Variants in AEBP2 observed in about 807,000 individuals in gnomAD.
AEBP2 encodes zinc finger protein AEBP2.
Under a neutral mutation model 50.8 loss-of-function variants are expected in AEBP2, and 10 were observed. The observed-to-expected ratio is 0.20, with a 90% CI of 0.12 to 0.33. The LOEUF is 0.33. Ranked by LOEUF, AEBP2 falls within the 10% of genes least tolerant of loss-of-function variation. The pLI is 1.00. For synonymous variants in AEBP2, 296 were observed against 261.3 expected (o/e 1.13, Z -1.28); for missense variants, 570 against 688.0 (o/e 0.83, Z 1.92).
At chr12:19,494,432 T>C (rs1444901111) in intron 4 of AEBP2, among the ~76,000 whole-genome samples, 1 of 150,956 alleles carries the variant, frequency 6.6e-6, no homozygotes, top group African/African-American at 2.4e-5. Flanking sequence ...TGAGACCCTG[T>C]CTCAAAAAAC....
In AEBP2 at chr12:19,491,598, C is replaced by T. The variant is rs1948895660; in HGVS notation, c.988-2202C>T. ...ACCTCTTTTTTAACTTAGTGTGCAC[C>T]ATAGAGTAAGTAAACATTTTTCATA... On this transcript the variant is annotated intron_variant, in intron 3 of 7. Transcript: ENST00000266508. Among the ~76,000 whole-genome samples the T allele has an allele frequency of 4.6e-5, 7 of 151,980 alleles. No homozygotes were observed. The South Asian group carries it at 1.5e-3, about 32-fold the overall frequency.
intron 1 of AEBP2, among the ~76,000 whole-genome samples, chr12:19,462,203 T>C (rs1039154984): frequency 6.6e-6 from 1 of 152,160 alleles, no homozygotes; most frequent in South Asian, 2.1e-4. Flanking sequence ...TGTGATAAGC[T>C]GTGTGTGTGG....
At chr12:19,451,356 A>G (rs1948163532) in intron 1 of AEBP2, among the ~76,000 whole-genome samples, 1 of 152,140 alleles carries the variant, frequency 6.6e-6, no homozygotes, top group South Asian at 2.1e-4. Flanking sequence ...GGAAGACTCA[A>G]AACAGCTGGG....
intron 3 of AEBP2, among the ~76,000 whole-genome samples, chr12:19,487,613 G>A (rs966558591): frequency 6.6e-6 from 1 of 152,094 alleles, no homozygotes; most frequent in African/African-American, 2.4e-5. Context: ...AGGTACTTGG[G>A]AGGCTGAGGC....
intron 4 of AEBP2, among the ~76,000 whole-genome samples, chr12:19,498,481 T>C (rs575351324): frequency 5.3e-5 from 8 of 152,330 alleles, no homozygotes; most frequent in African/African-American, 1.9e-4. Context: ...GGTGAAAATA[T>C]TCCCCCATAA....
intron 1 of AEBP2, among the ~76,000 whole-genome samples, chr12:19,433,877 C>T (rs1341190935): frequency 2.0e-5 from 3 of 151,904 alleles, no homozygotes; most frequent in African/African-American, 4.8e-5. Flanking sequence ...GATGGAGTCT[C>T]GCTCTGTCAC....
intron 5 of AEBP2, among the ~76,000 whole-genome samples, chr12:19,503,200 A>G (rs1053615859): frequency 6.6e-6 from 1 of 152,118 alleles, no homozygotes; most frequent in Admixed American, 6.6e-5. Context: ...TTTTAATGAT[A>G]CTGATTCTTC....
intron 3 of AEBP2, among the ~76,000 whole-genome samples, chr12:19,475,667 C>T (rs1424031766): frequency 1.3e-5 from 2 of 152,098 alleles, no homozygotes; most frequent in African/African-American, 4.8e-5. Flanking sequence ...TTTAAGAAAT[C>T]TCTGTACGGT....
At chr12:19,420,076 T>G (rs1434161996) in intron 1 of AEBP2, among the ~76,000 whole-genome samples, 2 of 143,710 alleles carry the variant, frequency 1.4e-5, no homozygotes, top group African/African-American at 5.2e-5. Flanking sequence ...CAGGCTGGAG[T>G]GCAATGGCAC....
intron 4 of AEBP2, among the ~76,000 whole-genome samples, chr12:19,496,238 GTA>G (rs1379378424): frequency 2.0e-5 from 3 of 152,210 alleles, no homozygotes; most frequent in Non-Finnish European, 2.9e-5. Context: ...GCCGGCTTAA[GTA>G]TATGTTTCTT....
intron 5 of AEBP2, among the ~76,000 whole-genome samples, chr12:19,505,687 G>A (rs182142329): frequency 6.6e-6 from 1 of 152,340 alleles, no homozygotes; most frequent in East Asian, 1.9e-4. Context: ...CAGAACCTTG[G>A]TGGACTAAGA....
rs569970482 is a variant in AEBP2 at position 19,453,586 on chromosome 12, G to A, written c.672-8924G>A. On this transcript the variant is annotated intron_variant, in intron 1 of 7. Coordinates refer to ENST00000266508, the MANE Select transcript of AEBP2 (RefSeq NM_153207.5). ...TTACAGGCACGCGACACCATGCCCA[G>A]CTAATTTTTGTGTTTTTATTAGAGA... 5.3e-5 allele frequency among the ~76,000 whole-genome samples: 8 copies of A among 151,956 alleles called. No individual in the cohort carries two copies. The South Asian group carries it at 1.5e-3, about 28-fold the overall frequency.
At chr12:19,506,791 A>G (rs1359549918) in intron 5 of AEBP2, among the ~76,000 whole-genome samples, 1 of 152,116 alleles carries the variant, frequency 6.6e-6, no homozygotes, top group African/African-American at 2.4e-5. Flanking sequence ...TGCAGTGGAG[A>G]TAAGGGTTGG....
upstream of AEBP2, among the ~76,000 whole-genome samples, chr12:19,435,548 C>T (rs1420021843): frequency 2.0e-5 from 3 of 152,060 alleles, no homozygotes; most frequent in South Asian, 2.1e-4. Flanking sequence ...CCAACATCAA[C>T]TTTTTATTCA....
At chr12:19,495,547 C>CTT (rs35060511) in intron 4 of AEBP2, among the ~76,000 whole-genome samples, 25 of 141,046 alleles carry the variant, frequency 1.8e-4, no homozygotes, top group East Asian at 1.2e-3. Context: ...TTCATTCTTG[C>CTT]TTTTTTTTTT....
At chr12:19,452,263 G>A (rs184838155) in intron 1 of AEBP2, among the ~76,000 whole-genome samples, 340 of 152,280 alleles carry the variant, frequency 2.2e-3, no homozygotes, top group Non-Finnish European at 3.7e-3. Flanking sequence ...AAAGTGCTGG[G>A]ATTACAGGCA....
In AEBP2 at chr12:19,412,025, T is replaced by C. The variant is rs553500550; in HGVS notation, c.-17+7809T>C. 6.6e-5 allele frequency among the ~76,000 whole-genome samples: 10 copies of C among 152,352 alleles called. No individual in the cohort carries two copies. In the South Asian group the frequency reaches 1.9e-3, roughly 28 times the overall value. ...TCACCAGACTCCTGTCCGTAAGTGC[T>C]GCGCAGGTTCTGTACTACAAGGGCA... is the stretch of plus-strand genomic sequence containing the variant. On this transcript the variant is annotated intron_variant, in intron 1 of 3. Coordinates refer to the AEBP2 transcript ENST00000538425.
At position 19,441,656 on chromosome 12, in the gene AEBP2, T is replaced by C. The variant is rs78046675; in HGVS notation, c.671+1286T>C. Among the ~76,000 whole-genome samples the C allele has an allele frequency of 4.9e-3, 753 of 152,316 alleles. 5 individuals are homozygous for C. Among genetic ancestry groups the C allele is most frequent in the African/African-American group, 0.017 (706 of 41,580 alleles). On this transcript the variant is annotated intron_variant, in intron 1 of 7. Coordinates refer to ENST00000266508, the MANE Select transcript of AEBP2 (RefSeq NM_153207.5). ...CATTAGATTCTGTTTGACATTAACG[T>C]CTAGTTAAGAAAATATCTTCGGGTA...
intron 1 of AEBP2, among the ~76,000 whole-genome samples, chr12:19,448,484 C>CAA (rs796257949): frequency 1.6e-5 from 2 of 123,156 alleles, no homozygotes; most frequent in Admixed American, 1.7e-4. Context: ...GACTCCATCT[C>CAA]AAAAAAAAAA....
Sources: allele counts gnomAD v4.1 joint callset (sites outside exome capture counted in the v4.1 genomes callset), GRCh38; gene constraint gnomAD v4.1.1; transcripts MANE v1.5; gene names NCBI Gene and HGNC (gene_info 2026-07-23, HGNC 2026-07-21).